GALNT13: variants seen among roughly 807,000 people sequenced by gnomAD.
The protein encoded by GALNT13 is polypeptide N-acetylgalactosaminyltransferase 13, also known as UDP-GalNAc:polypeptide N-acetylgalactosaminyltransferase 13.
In GALNT13, 28 loss-of-function variants were observed where a neutral mutation model predicts 64.2. The ratio of observed to expected loss-of-function variants is 0.44; its 90% confidence interval spans 0.32 to 0.60. The LOEUF (loss-of-function observed/expected upper bound fraction) is 0.60. GALNT13 is among the 20% of genes least tolerant of loss of function. The probability of loss-of-function intolerance (pLI) is 0.05; values close to 1 mark genes in which losing one functional copy is unlikely to be tolerated. For missense variants in GALNT13, 577 were observed against 669.8 expected (o/e 0.86, Z 1.53); for synonymous variants, 214 against 224.6 (o/e 0.95, Z 0.42).
chr2:153,998,006 G>C (rs1255511469), intron 3 of GALNT13, among the ~76,000 whole-genome samples: 1 of 152,126 alleles, frequency 6.6e-6, no homozygotes, highest in African/African-American at 2.4e-5. Flanking sequence ...GTATTCCATG[G>C]TGTATATGTG....
the GALNT13 span, among the ~76,000 whole-genome samples, chr2:153,841,398 A>C: frequency 2.0e-5 from 3 of 152,220 alleles, no homozygotes; most frequent in Admixed American, 6.5e-5. Flanking sequence ...ATTCAAAAAG[A>C]GTATGAATGG....
At chr2:154,024,366 C>T (rs967271983) in intron 3 of GALNT13, among the ~76,000 whole-genome samples, 1 of 152,156 alleles carries the variant, frequency 6.6e-6, no homozygotes, top group Non-Finnish European at 1.5e-5. Context: ...TTCACATAGT[C>T]CCATATTTCT....
the GALNT13 span, among the ~76,000 whole-genome samples, chr2:153,590,761 A>T: frequency 2.3e-4 from 35 of 152,296 alleles, no homozygotes; most frequent in African/African-American, 8.4e-4. Context: ...ATTTGATAAA[A>T]TTCAACATCT....
the GALNT13 span, among the ~76,000 whole-genome samples, chr2:153,375,259 AT>A: frequency 6.6e-6 from 1 of 152,030 alleles, no homozygotes; most frequent in Non-Finnish European, 1.5e-5. Flanking sequence ...TTTTATGGCC[AT>A]TTTTGTTTAT....
chr2:154,417,665 C>T (rs1291178326), intron 11 of GALNT13, among the ~76,000 whole-genome samples: 1 of 151,776 alleles, frequency 6.6e-6, no homozygotes, highest in Non-Finnish European at 1.5e-5. Context: ...GAACCCGCAA[C>T]CATACCTGGC....
chr2:153,297,107 C>T, the GALNT13 span, among the ~76,000 whole-genome samples: 5 of 152,198 alleles, frequency 3.3e-5, no homozygotes, highest in East Asian at 1.9e-4. Flanking sequence ...TGAAAGCAGA[C>T]AGTATTAAAC....
chr2:153,408,670 T>G, the GALNT13 span, among the ~76,000 whole-genome samples: 33,002 of 151,770 alleles, frequency 0.22, 3,748 homozygotes, highest in Non-Finnish European at 0.25. Context: ...TTTTGTTTTT[T>G]TTTTGCTAAG....
the GALNT13 span, among the ~76,000 whole-genome samples, chr2:153,340,859 G>A: frequency 6.6e-6 from 1 of 152,088 alleles, no homozygotes; most frequent in Non-Finnish European, 1.5e-5. Flanking sequence ...TACTTTTTAG[G>A]AGAGGCAGCA....
At chr2:154,119,371 CT>C (rs1681799064) in intron 3 of GALNT13, among the ~76,000 whole-genome samples, 4 of 152,070 alleles carry the variant, frequency 2.6e-5, no homozygotes. Flanking sequence ...AGTTTCTTTG[CT>C]TTTGATAGTT....
intron 3 of GALNT13, among the ~76,000 whole-genome samples, chr2:153,998,523 C>A (rs573740200): frequency 1.3e-5 from 2 of 152,156 alleles, no homozygotes; most frequent in Non-Finnish European, 2.9e-5. Context: ...TGTTTAAGAT[C>A]TTTATAGATT....
At chr2:153,146,276 C>G in the GALNT13 span, among the ~76,000 whole-genome samples, 4 of 151,076 alleles carry the variant, frequency 2.6e-5, no homozygotes, top group Admixed American at 6.6e-5. Flanking sequence ...CCCAGAACAA[C>G]ACAGCATTAT....
At chr2:153,142,654 G>T in the GALNT13 span, among the ~76,000 whole-genome samples, 4 of 151,936 alleles carry the variant, frequency 2.6e-5, no homozygotes, top group Non-Finnish European at 4.4e-5. Context: ...TGAAATGGAG[G>T]TTTGTAGGCC....
the GALNT13 span, among the ~76,000 whole-genome samples, chr2:153,402,480 G>C: frequency 1.3e-5 from 2 of 151,942 alleles, no homozygotes; most frequent in Admixed American, 6.6e-5. Context: ...GGCCTGCCTT[G>C]CTAGATTGGG....
chr2:154,328,199 A>G (rs1162753710), intron 9 of GALNT13, among the ~76,000 whole-genome samples: 2 of 152,140 alleles, frequency 1.3e-5, no homozygotes, highest in African/African-American at 4.8e-5. Context: ...TCCTGCTGCT[A>G]GGGTTAAGTG....
At chr2:153,589,772 C>T in the GALNT13 span, among the ~76,000 whole-genome samples, 5 of 152,256 alleles carry the variant, frequency 3.3e-5, no homozygotes, top group Non-Finnish European at 5.9e-5. Context: ...TTCACTATCA[C>T]GAGAACAGCA....
the GALNT13 span, among the ~76,000 whole-genome samples, chr2:153,524,494 A>G: frequency 2.6e-5 from 4 of 152,114 alleles, no homozygotes; most frequent in African/African-American, 9.7e-5. Flanking sequence ...TCACTGAAAG[A>G]GACACTGAAG....
intron 1 of GALNT13, among the ~76,000 whole-genome samples, chr2:153,873,098 C>T (rs986590875): frequency 6.6e-6 from 1 of 152,214 alleles, no homozygotes; most frequent in Non-Finnish European, 1.5e-5. Flanking sequence ...CATCTCTCTG[C>T]CCCGTCTTCC....
At chr2:153,131,871 T>A in the GALNT13 span, among the ~76,000 whole-genome samples, 1 of 151,964 alleles carries the variant, frequency 6.6e-6, no homozygotes, top group African/African-American at 2.4e-5. Flanking sequence ...ATGAGTATTT[T>A]CTATGGGAAA....
the GALNT13 span, among the ~76,000 whole-genome samples, chr2:153,808,689 A>T: frequency 6.6e-6 from 1 of 152,150 alleles, no homozygotes; most frequent in East Asian, 1.9e-4. Context: ...CTTCTCTCCA[A>T]CAACTCTTTT....
Sources: allele counts gnomAD v4.1 joint callset (sites outside exome capture counted in the v4.1 genomes callset), GRCh38; gene constraint gnomAD v4.1.1; transcripts MANE v1.5; gene names NCBI Gene and HGNC (gene_info 2026-07-23, HGNC 2026-07-21).